The following CYP2C18 variants were observed in gnomAD, a reference collection of about 807,000 sequenced individuals.
CYP2C18 encodes cytochrome P450 family 2 subfamily C member 18, also known as cytochrome P450 2C18.
CYP2C18 carries 38 observed loss-of-function variants against 41.3 expected under a neutral mutation model. The observed-to-expected ratio is 0.92, with a 90% CI of 0.71 to 1.21. The LOEUF is 1.21. CYP2C18 is among the 50% of genes most tolerant of loss of function. The pLI is 0.00. For synonymous variants in CYP2C18, 236 were observed against 210.0 expected (o/e 1.12, Z -1.07); for missense variants, 635 against 591.4 (o/e 1.07, Z -0.77).
intron 4 of CYP2C18, among the ~76,000 whole-genome samples, chr10:94,701,304 T>A (rs1193443169): frequency 6.6e-6 from 1 of 152,062 alleles, no homozygotes; most frequent in Non-Finnish European, 1.5e-5. Context: ...AAATGATGAG[T>A]TCATGTCCTT....
At chr10:94,694,018 A>G (rs1315032833) in intron 3 of CYP2C18, among the ~76,000 whole-genome samples, 1 of 152,178 alleles carries the variant, frequency 6.6e-6, no homozygotes, top group Non-Finnish European at 1.5e-5. Context: ...TTGTAATATG[A>G]TGGAATTACC....
chr10:94,688,371 C>G (rs967190863), intron 3 of CYP2C18, 97 bp downstream of exon 3: 2 of 1,407,188 alleles, frequency 1.4e-6, no homozygotes, highest in Non-Finnish European at 1.9e-6. Flanking sequence ...TTATGGGGTA[C>G]ATGTAATATT....
intron 3 of CYP2C18, among the ~76,000 whole-genome samples, chr10:94,690,357 A>T (rs1589791823): frequency 6.6e-6 from 1 of 152,216 alleles, no homozygotes; most frequent in East Asian, 1.9e-4. Flanking sequence ...TCCCATTCAA[A>T]TCTAATATTG....
intron 3 of CYP2C18, among the ~76,000 whole-genome samples, chr10:94,691,817 A>G (rs984771238): frequency 1.3e-5 from 2 of 152,224 alleles, no homozygotes; most frequent in Admixed American, 6.5e-5. Flanking sequence ...TACTGGTACC[A>G]AAACAGAGAT....
intron 4 of CYP2C18, among the ~76,000 whole-genome samples, chr10:94,706,457 A>G (rs2134190645): frequency 6.6e-6 from 1 of 152,322 alleles, no homozygotes; most frequent in East Asian, 1.9e-4. Context: ...GTAAAATGGG[A>G]ATTAAAGCAA....
intron 1 of CYP2C18, among the ~76,000 whole-genome samples, chr10:94,686,616 TA>T (rs1163551440): frequency 1.3e-5 from 2 of 152,222 alleles, no homozygotes; most frequent in African/African-American, 4.8e-5. Context: ...TATTAAAGGT[TA>T]TATGTTATAG....
intron 7 of CYP2C18, among the ~76,000 whole-genome samples, chr10:94,728,134 T>A: frequency 6.6e-6 from 1 of 152,144 alleles, no homozygotes; most frequent in East Asian, 1.9e-4. Flanking sequence ...CGAACAGTTT[T>A]TTTTAGTTTG....
At chr10:94,726,558 T>C (rs1489299918) in intron 7 of CYP2C18, among the ~76,000 whole-genome samples, 1 of 152,184 alleles carries the variant, frequency 6.6e-6, no homozygotes, top group Non-Finnish European at 1.5e-5. Context: ...CCATGGTGTA[T>C]ATGTGTCATA....
Position 94,720,434 on chromosome 10 carries a change from C to A in CYP2C18, c.858C>A (p.Ser286Arg). 1 of 1,612,626 alleles carries A rather than the reference C, an allele frequency of 6.2e-7. No individual in the cohort carries two copies. The highest frequency in any genetic ancestry group is 2.2e-5 in the East Asian group (1 of 44,760). ...HNQQSEFTVE[S>R]LIATVTDMFG... ...AACAGTCTGAATTTACTGTTGAAAG[C>A]TTGATAGCCACTGTAACTGATATGT... The change falls in exon 6 of 9, where the codon AGC (serine) becomes AGA (arginine). Residue 286 changes from serine (S) to arginine (R), a missense_variant. By Grantham distance (110) the Ser-to-Arg change is moderately radical (BLOSUM62 -1). Coordinates refer to ENST00000285979, the MANE Select transcript of CYP2C18 (RefSeq NM_000772.3).
intron 3 of CYP2C18, among the ~76,000 whole-genome samples, chr10:94,689,486 C>T (rs945592544): frequency 6.6e-6 from 1 of 152,102 alleles, no homozygotes; most frequent in Non-Finnish European, 1.5e-5. Context: ...ATTTACAAAG[C>T]ACACTCTCCA....
At chr10:94,690,555 C>CA (rs574215474) in intron 3 of CYP2C18, among the ~76,000 whole-genome samples, 3 of 151,866 alleles carry the variant, frequency 2.0e-5, no homozygotes, top group African/African-American at 7.3e-5. Context: ...GCTTACCAAC[C>CA]AAAAAAAGTC....
At chr10:94,701,771 A>T (rs190342235) in intron 4 of CYP2C18, among the ~76,000 whole-genome samples, 23 of 152,286 alleles carry the variant, frequency 1.5e-4, no homozygotes, top group African/African-American at 5.3e-4. Flanking sequence ...AAAGCACACT[A>T]AGCTGGGAGT....
rs188965031 is a variant in CYP2C18, at chr10:94,690,783, A to C, written c.481+2509A>C. Reference sequence around the variant, plus strand: ...TTGATGCAAAAATCCTCAATAAAATACTGGCAAACTGAATCCAGCAACACA... The same window carrying C: ...TTGATGCAAAAATCCTCAATAAAATCCTGGCAAACTGAATCCAGCAACACA... On this transcript the variant is annotated intron_variant, in intron 3 of 8. Transcript: ENST00000285979. Among the ~76,000 whole-genome samples the C allele has an allele frequency of 1.5e-3, 221 of 152,370 alleles. 1 individual carries two copies. The highest frequency in any genetic ancestry group is 3.0e-3 in the Admixed American group (46 of 15,306).
At chr10:94,686,927 A>G (rs1846898947) in intron 1 of CYP2C18, among the ~76,000 whole-genome samples, 1 of 152,166 alleles carries the variant, frequency 6.6e-6, no homozygotes, top group Non-Finnish European at 1.5e-5. Context: ...TGTATATGCT[A>G]TGTATTTTGC....
chr10:94,704,685 C>A (rs1847306097), intron 4 of CYP2C18, among the ~76,000 whole-genome samples: 1 of 152,084 alleles, frequency 6.6e-6, no homozygotes, highest in African/African-American at 2.4e-5. Flanking sequence ...TCAGGATCTT[C>A]TCACATTTTT....
chr10:94,734,722 G>A (rs777807614), intron 8 of CYP2C18, among the ~76,000 whole-genome samples: 7 of 152,160 alleles, frequency 4.6e-5, no homozygotes, highest in Admixed American at 1.3e-4. Context: ...TAGAACATCA[G>A]ACTGGGAACA....
At chr10:94,701,111 A>G (rs895419574) in intron 4 of CYP2C18, among the ~76,000 whole-genome samples, 1 of 152,214 alleles carries the variant, frequency 6.6e-6, no homozygotes, top group African/African-American at 2.4e-5. Context: ...CAGCCTTCCC[A>G]TTACTGGGTA....
chr10:94,707,096 T>A, intron 5 of CYP2C18, 136 bp downstream of exon 5: 1 of 553,882 alleles, frequency 1.8e-6, no homozygotes, highest in South Asian at 3.3e-5. Flanking sequence ...TGAAGCACCA[T>A]GGAGAATTTA....
At chr10:94,714,943 G>A (rs1356935764) in intron 5 of CYP2C18, among the ~76,000 whole-genome samples, 1 of 152,078 alleles carries the variant, frequency 6.6e-6, no homozygotes, top group Non-Finnish European at 1.5e-5. Flanking sequence ...TGAAGCAATT[G>A]TGAATGGGAG....
Sources: allele counts gnomAD v4.1 joint callset (sites outside exome capture counted in the v4.1 genomes callset), GRCh38; gene constraint gnomAD v4.1.1; transcripts MANE v1.5; gene names NCBI Gene and HGNC (gene_info 2026-07-23, HGNC 2026-07-21).